The following MRE11 variants were observed in gnomAD, a reference collection of about 807,000 sequenced individuals.
MRE11 encodes MRE11 double strand break repair nuclease.
A neutral mutation model predicts 91.7 loss-of-function variants in MRE11; 62 were observed. The observed-to-expected ratio is 0.68, with a 90% CI of 0.55 to 0.84. The LOEUF (loss-of-function observed/expected upper bound fraction) is 0.84, where lower values mean the gene tolerates loss of function less well. Among genes scored for constraint, MRE11 ranks in the 40% least tolerant of loss-of-function variants. MRE11 has a pLI of 0.00. For missense variants in MRE11, 796 were observed against 852.9 expected (o/e 0.93, Z 0.83); for synonymous variants, 273 against 271.4 (o/e 1.01, Z -0.06).
intron 7 of MRE11, among the ~76,000 whole-genome samples, chr11:94,473,877 A>G (rs1946779776): frequency 6.6e-6 from 1 of 152,138 alleles, no homozygotes; most frequent in Non-Finnish European, 1.5e-5. Flanking sequence ...ATAAGTAAAC[A>G]TATATATTTA....
At position 94,419,465 on chromosome 11, in the gene MRE11, G is replaced by GGGGAGGGAGAGAGA. The variant is rs373002609; in HGVS notation, c.*659_*660insTCTCTCTCCCTCCC. The GGGGAGGGAGAGAGA allele has an allele frequency of 4.7e-6, 1 of 214,890 alleles. No homozygotes were observed. The allele number at this position is 214,890 out of a possible 1,614,324, so 13.3% of individuals were successfully genotyped here. ...GAAGAGTGGGGAACGGGGGGGAGAGGGAGAGAGAGAGAGAGAGAGAGAGAG... is the reference window on the plus strand; with the variant it reads ...GAAGAGTGGGGAACGGGGGGGAGAGGGGGAGGGAGAGAGAGAGAGAGAGAGAGAGAGAGAGAGAG... On this transcript the variant is annotated 3_prime_UTR_variant, in exon 20 of 20. Transcript: ENST00000323929.
chr11:94,507,328 C>T, the MRE11 span, among the ~76,000 whole-genome samples: 4 of 151,954 alleles, frequency 2.6e-5, no homozygotes, highest in Admixed American at 6.6e-5. Flanking sequence ...TGATGTATTC[C>T]GTTATATGAA....
the MRE11 span, among the ~76,000 whole-genome samples, chr11:94,506,252 A>T: frequency 6.6e-6 from 1 of 151,954 alleles, no homozygotes; most frequent in African/African-American, 2.4e-5. Context: ...TGATGAAATA[A>T]TTTGTACAGC....
intron 10 of MRE11, chr11:94,466,663 T>C (rs1946572537): frequency 9.9e-6 from 3 of 301,602 alleles, no homozygotes; most frequent in South Asian, 2.5e-5. Context: ...AGTCTGGCTC[T>C]ACACTGTACT....
chr11:94,474,052 T>G (rs1946787460), intron 7 of MRE11, among the ~76,000 whole-genome samples: 1 of 152,138 alleles, frequency 6.6e-6, no homozygotes. Context: ...TATACACATA[T>G]ATCTATTCCC....
chr11:94,491,470 C>A (rs1270353007), intron 2 of MRE11, among the ~76,000 whole-genome samples: 1 of 152,072 alleles, frequency 6.6e-6, no homozygotes, highest in Non-Finnish European at 1.5e-5. Flanking sequence ...TAAAGTTGGC[C>A]AACACAGAAT....
chr11:94,465,183 C>T (rs1033613102), intron 10 of MRE11, among the ~76,000 whole-genome samples: 3 of 152,086 alleles, frequency 2.0e-5, no homozygotes, highest in Admixed American at 6.6e-5. Flanking sequence ...TGTAATATTA[C>T]TTATATGACA....
chr11:94,488,244 T>C (rs1304963072), intron 3 of MRE11, among the ~76,000 whole-genome samples: 1 of 152,174 alleles, frequency 6.6e-6, no homozygotes, highest in Non-Finnish European at 1.5e-5. Context: ...CACAAGTTTT[T>C]TTGCCTTCAA....
intron 7 of MRE11, among the ~76,000 whole-genome samples, chr11:94,475,926 A>G (rs1591702423): frequency 1.3e-5 from 2 of 152,162 alleles, no homozygotes; most frequent in African/African-American, 4.8e-5. Context: ...AGCAAAGAAA[A>G]GCAATGAAAT....
chr11:94,452,067 A>G (rs925410962), intron 14 of MRE11, among the ~76,000 whole-genome samples: 3 of 151,938 alleles, frequency 2.0e-5, no homozygotes, highest in Admixed American at 2.0e-4. Flanking sequence ...TTAGCTGGGC[A>G]TGGTAGCGCG....
rs372272796 is a variant in MRE11, at chr11:94,444,897, T to C, written c.1867+913A>G. Among the ~76,000 whole-genome samples, 34 of 152,062 alleles carry C rather than the reference T, an allele frequency of 2.2e-4. No homozygotes were observed. The East Asian group carries it at 4.1e-3, about 18-fold the overall frequency. On this transcript the variant is annotated intron_variant, in intron 16 of 19. Transcript: ENST00000323929. ...CAAATAACTGATAATATAAATAATA[T>C]ACATATGAATATATTCTAAATGCTA...
intron 3 of MRE11, among the ~76,000 whole-genome samples, chr11:94,488,960 C>T (rs776922485): frequency 6.6e-6 from 1 of 151,996 alleles, no homozygotes; most frequent in Non-Finnish European, 1.5e-5. Flanking sequence ...AGAATCCAGC[C>T]ATTGCCTCAC....
chr11:94,510,668 C>T, the MRE11 span, among the ~76,000 whole-genome samples: 1 of 152,076 alleles, frequency 6.6e-6, no homozygotes, highest in South Asian at 2.1e-4. Context: ...AGGTGAGTTG[C>T]CATAATTCAC....
intron 16 of MRE11, among the ~76,000 whole-genome samples, chr11:94,443,640 G>T (rs1945845373): frequency 6.6e-6 from 1 of 152,138 alleles, no homozygotes; most frequent in African/African-American, 2.4e-5. Context: ...ATTGGGCCAG[G>T]AGTTCTTAAG....
At chr11:94,479,825 C>T (rs1304719024) in intron 4 of MRE11, 64 bp from the exon 5 acceptor site, 8 of 1,307,668 alleles carry the variant, frequency 6.1e-6, no homozygotes, top group Middle Eastern at 2.0e-4. Flanking sequence ...CTAAGATTCT[C>T]CTCCAAAATA....
At chr11:94,445,154 A>G (rs897513721) in intron 16 of MRE11, among the ~76,000 whole-genome samples, 3 of 152,350 alleles carry the variant, frequency 2.0e-5, no homozygotes, top group Admixed American at 2.0e-4. Flanking sequence ...ACAGGGCAGT[A>G]TGGGGGAAGC....
upstream of MRE11, among the ~76,000 whole-genome samples, chr11:94,494,505 A>G (rs371292879): frequency 4.6e-5 from 7 of 152,188 alleles, no homozygotes; most frequent in African/African-American, 1.7e-4. Context: ...TAAGGTTTAT[A>G]GCCCCGCCTA....
intron 13 of MRE11, 44 bp from the exon 14 acceptor site, chr11:94,456,382 G>T (rs745981606): frequency 1.4e-6 from 2 of 1,473,702 alleles, no homozygotes; most frequent in Non-Finnish European, 1.9e-6. Context: ...GCCTATTCCA[G>T]TTATGTAAAT....
At chr11:94,498,565 C>T, upstream of MRE11, 2 of 1,538,970 alleles carry the variant, frequency 1.3e-6, no homozygotes, top group Non-Finnish European at 1.8e-6. Context: ...TTTCTAAATA[C>T]CAGTGCCTCC....
Sources: allele counts gnomAD v4.1 joint callset (sites outside exome capture counted in the v4.1 genomes callset), GRCh38; gene constraint gnomAD v4.1.1; transcripts MANE v1.5; gene names NCBI Gene and HGNC (gene_info 2026-07-23, HGNC 2026-07-21).